SAMD12: variants seen among roughly 807,000 people sequenced by gnomAD.
SAMD12 encodes the protein sterile alpha motif domain containing 12.
Under a neutral mutation model 15.0 loss-of-function variants are expected in SAMD12, and 9 were observed. The observed-to-expected ratio is 0.60, with a 90% confidence interval of 0.36 to 1.05. The LOEUF is 1.05. Ranked by LOEUF, SAMD12 falls within the 50% of genes least tolerant of loss-of-function variation. The pLI is 0.01. For synonymous variants in SAMD12, 86 were observed against 90.1 expected (o/e 0.96, Z 0.25); for missense variants, 230 against 234.2 (o/e 0.98, Z 0.12).
chr8:118,449,206 G>A (rs534001030), intron 2 of SAMD12, among the ~76,000 whole-genome samples: 4 of 152,130 alleles, frequency 2.6e-5, no homozygotes, highest in Admixed American at 1.3e-4. Flanking sequence ...GGGATTACAG[G>A]TGCCCACAAC....
intron 4 of SAMD12, among the ~76,000 whole-genome samples, chr8:118,366,881 T>TAATAA (rs67702658): frequency 0.22 from 11,477 of 51,556 alleles, 1,041 homozygotes; most frequent in African/African-American, 0.36. Context: ...TAAAATAAAA[T>TAATAA]AATAAAATAA....
intron 4 of SAMD12, among the ~76,000 whole-genome samples, chr8:118,297,733 A>C (rs751809633): frequency 1.3e-5 from 2 of 152,216 alleles, no homozygotes; most frequent in Non-Finnish European, 2.9e-5. Context: ...GTTATAGAAT[A>C]TGGATTCTCT....
chr8:118,518,887 T>A (rs4625062), intron 2 of SAMD12, among the ~76,000 whole-genome samples: 53,612 of 151,908 alleles, frequency 0.35, 10,099 homozygotes, highest in Admixed American at 0.43. Flanking sequence ...CAGGGAAGAG[T>A]ACACAGCATG....
the SAMD12 span, among the ~76,000 whole-genome samples, chr8:118,140,554 G>A: frequency 6.6e-6 from 1 of 152,160 alleles, no homozygotes; most frequent in African/African-American, 2.4e-5. Flanking sequence ...TTATAGGTGT[G>A]AGCCACTGCA....
In SAMD12 at chr8:118,415,448, G is replaced by GGGGTGTGTGTGTGTGTGTGTGTGT. The variant is rs1554658041; in HGVS notation, c.322+24383_322+24384insACACACACACACACACACACACCC. On this transcript the variant is annotated intron_variant, in intron 3 of 3. Transcript: ENST00000314727. ...AAGTAAATAAATAACCTTGTCCTAA[G>GGGGTGTGTGTGTGTGTGTGTGTGT]GTGTGTGTGTGTGTGTGTGTGTGTG... Among the ~76,000 whole-genome samples, 5 of 142,952 alleles carry GGGGTGTGTGTGTGTGTGTGTGTGT rather than the reference G, an allele frequency of 3.5e-5. No individual in the cohort carries two copies. In the South Asian group the frequency reaches 1.2e-3, roughly 35 times the overall value. 93.8% of individuals were successfully genotyped at this position (142,952 alleles called of 152,430 possible).
chr8:118,499,022 T>C (rs1824704802), intron 2 of SAMD12, among the ~76,000 whole-genome samples: 1 of 152,244 alleles, frequency 6.6e-6, no homozygotes, highest in Non-Finnish European at 1.5e-5. Context: ...TCTGTCAGAA[T>C]AGGCTAGGTT....
chr8:118,353,982 C>A (rs1818097657), intron 4 of SAMD12, among the ~76,000 whole-genome samples: 1 of 152,196 alleles, frequency 6.6e-6, no homozygotes, highest in Non-Finnish European at 1.5e-5. Flanking sequence ...GACCCCTCCT[C>A]CAAGGCTCCA....
intron 2 of SAMD12, among the ~76,000 whole-genome samples, chr8:118,473,270 G>A (rs1823857414): frequency 6.6e-6 from 1 of 152,100 alleles, no homozygotes; most frequent in African/African-American, 2.4e-5. Context: ...GTCCCCTGGT[G>A]GTTTTCTAAA....
chr8:118,440,493 C>G (rs1452416960), intron 2 of SAMD12, among the ~76,000 whole-genome samples: 3 of 151,952 alleles, frequency 2.0e-5, no homozygotes, highest in Admixed American at 1.3e-4. Context: ...CCTGAAATGT[C>G]CAGGACCATT....
intron 3 of SAMD12, among the ~76,000 whole-genome samples, chr8:118,419,085 C>T (rs868319572): frequency 3.9e-5 from 6 of 152,090 alleles, no homozygotes; most frequent in Non-Finnish European, 2.9e-5. Flanking sequence ...CAAAAGTCTT[C>T]CCCTCTAGTT....
intron 4 of SAMD12, among the ~76,000 whole-genome samples, chr8:118,359,423 C>T (rs550331072): frequency 1.1e-4 from 17 of 152,250 alleles, no homozygotes; most frequent in Non-Finnish European, 1.8e-4. Flanking sequence ...CAGCCCCAGC[C>T]GACTAATATA....
At chr8:118,621,686 C>A (rs542030034) in intron 1 of SAMD12, 118 bp downstream of exon 1, 6 of 1,170,334 alleles carry the variant, frequency 5.1e-6, no homozygotes, top group Non-Finnish European at 7.7e-6. Flanking sequence ...GAGGAAGGGG[C>A]CCGCTCTCCG....
At chr8:118,410,142 G>A (rs779755575) in intron 3 of SAMD12, among the ~76,000 whole-genome samples, 1 of 152,140 alleles carries the variant, frequency 6.6e-6, no homozygotes, top group Non-Finnish European at 1.5e-5. Flanking sequence ...TATTGATAAA[G>A]AGTATATCTA....
At chr8:118,204,406 C>A (rs1317995560) in intron 4 of SAMD12, among the ~76,000 whole-genome samples, 5 of 152,014 alleles carry the variant, frequency 3.3e-5, no homozygotes, top group Admixed American at 3.3e-4. Flanking sequence ...GGGAGTTGCC[C>A]ACTGAGAGTA....
chr8:118,417,905 G>A (rs1285154868), intron 3 of SAMD12, among the ~76,000 whole-genome samples: 1 of 152,140 alleles, frequency 6.6e-6, no homozygotes, highest in Non-Finnish European at 1.5e-5. Flanking sequence ...ATACTTGAGA[G>A]GTTGGTTTTC....
chr8:118,469,544 ATTATT>A (rs1823725738), intron 2 of SAMD12, among the ~76,000 whole-genome samples: 3 of 2,298 alleles, frequency 1.3e-3, no homozygotes, highest in Admixed American at 0.012. Flanking sequence ...TATATATTAT[ATTATT>A]ATATATAATA....
At chr8:118,497,729 G>GGGGT (rs1824662299) in intron 2 of SAMD12, among the ~76,000 whole-genome samples, 1 of 115,422 alleles carries the variant, frequency 8.7e-6, no homozygotes, top group African/African-American at 3.8e-5. Flanking sequence ...GTTGCGGGGG[G>GGGGT]GGGTGGGGGG....
chr8:118,161,585 G>C, the SAMD12 span, among the ~76,000 whole-genome samples: 1 of 146,442 alleles, frequency 6.8e-6, no homozygotes, highest in East Asian at 2.0e-4. Context: ...AAAAGACATT[G>C]TGAGAAGAAA....
At chr8:118,580,617 A>T in intron 2 of SAMD12, 98 bp downstream of exon 2, 1 of 780,120 alleles carries the variant, frequency 1.3e-6, no homozygotes, top group Non-Finnish European at 2.2e-6. Flanking sequence ...ATACAATGGT[A>T]ATTAGTGAAA....
Sources: allele counts gnomAD v4.1 joint callset (sites outside exome capture counted in the v4.1 genomes callset), GRCh38; gene constraint gnomAD v4.1.1; transcripts MANE v1.5; gene names NCBI Gene and HGNC (gene_info 2026-07-23, HGNC 2026-07-21).